CA10: variants seen among roughly 807,000 people sequenced by gnomAD.
CA10 encodes carbonic anhydrase-related protein 10.
Under a neutral mutation model 44.2 loss-of-function variants are expected in CA10, and 14 were observed. The ratio of observed to expected loss-of-function variants is 0.32; its 90% CI spans 0.21 to 0.50. CA10 has a LOEUF of 0.50. Among genes scored for constraint, CA10 ranks in the 20% least tolerant of loss-of-function variants. The pLI is 0.99. For synonymous variants in CA10, 159 were observed against 141.6 expected, an observed-to-expected ratio of 1.12 and a Z score of -0.87; for missense variants, 350 against 409.7, an observed-to-expected ratio of 0.85 and a Z score of 1.26.
intron 3 of CA10, among the ~76,000 whole-genome samples, chr17:51,882,757 CTG>C (rs1392743533): frequency 1.3e-5 from 2 of 152,294 alleles, no homozygotes; most frequent in African/African-American, 4.8e-5. Flanking sequence ...CGAGTCAAGA[CTG>C]GAATTTGTCA....
chr17:51,832,365 A>G (rs572509530), intron 3 of CA10, among the ~76,000 whole-genome samples: 2 of 152,296 alleles, frequency 1.3e-5, no homozygotes, highest in East Asian at 1.9e-4. Context: ...TAACCCGGTA[A>G]TTTTAGAATA....
intron 3 of CA10, among the ~76,000 whole-genome samples, chr17:51,870,124 C>G (rs913459708): frequency 6.6e-6 from 1 of 152,334 alleles, no homozygotes; most frequent in South Asian, 2.1e-4. Flanking sequence ...CTGTCTTAGC[C>G]TCTCCTTATA....
At chr17:51,690,042 G>T (rs1209788388) in intron 4 of CA10, among the ~76,000 whole-genome samples, 1 of 151,808 alleles carries the variant, frequency 6.6e-6, no homozygotes, top group Non-Finnish European at 1.5e-5. Flanking sequence ...CCACCTCCCA[G>T]GTTCAAGTGA....
chr17:51,962,132 G>T (rs1419808173), intron 2 of CA10, among the ~76,000 whole-genome samples: 1 of 152,226 alleles, frequency 6.6e-6, no homozygotes, highest in Non-Finnish European at 1.5e-5. Flanking sequence ...AGCCTGAACT[G>T]CCCCACCCTT....
At chr17:51,634,346 T>C (rs182877800) in intron 7 of CA10, among the ~76,000 whole-genome samples, 99 of 152,348 alleles carry the variant, frequency 6.5e-4, no homozygotes, top group East Asian at 1.9e-3. Context: ...TACTGTTGCC[T>C]GTCACCCAGT....
chr17:52,093,926 A>C (rs1349930437), intron 1 of CA10, among the ~76,000 whole-genome samples: 1 of 27,672 alleles, frequency 3.6e-5, no homozygotes, highest in Non-Finnish European at 7.5e-5. Flanking sequence ...TAAGTTGGAA[A>C]GCTGGGGCCT....
At chr17:51,711,915 G>C (rs1915954846) in intron 4 of CA10, among the ~76,000 whole-genome samples, 1 of 152,168 alleles carries the variant, frequency 6.6e-6, no homozygotes. Context: ...GCTGTGAGGT[G>C]TAATCAGACA....
rs1987414420 is a variant in CA10, at chr17:52,062,438, A to G, written c.136+9881T>C. Among the ~76,000 whole-genome samples the G allele has an allele frequency of 2.0e-5, 3 of 152,316 alleles. No individual in the cohort carries two copies. In the South Asian group the frequency reaches 6.2e-4, roughly 32 times the overall value. Reference sequence around the variant, plus strand: ...CCACTTGTTAAAGAGATTAAAATGGATAAAAGGGAGTCAGGTGCAAAGAGT... The same window carrying G: ...CCACTTGTTAAAGAGATTAAAATGGGTAAAAGGGAGTCAGGTGCAAAGAGT... On this transcript the variant is annotated intron_variant, in intron 2 of 8. Transcript: ENST00000451037.
intron 4 of CA10, among the ~76,000 whole-genome samples, chr17:51,684,363 C>CGTTTGTG (rs1349872117): frequency 1.3e-5 from 2 of 152,172 alleles, no homozygotes; most frequent in African/African-American, 4.8e-5. Flanking sequence ...TGAGCCACTA[C>CGTTTGTG]GTTTGTGGTA....
chr17:52,119,842 T>A (rs1046616135), intron 1 of CA10, among the ~76,000 whole-genome samples: 1 of 152,200 alleles, frequency 6.6e-6, no homozygotes, highest in African/African-American at 2.4e-5. Context: ...TCTAGACTCA[T>A]TAGCTGTTTT....
intron 3 of CA10, among the ~76,000 whole-genome samples, chr17:51,874,123 A>AAT (rs1979942539): frequency 6.6e-6 from 1 of 151,994 alleles, no homozygotes; most frequent in Non-Finnish European, 1.5e-5. Flanking sequence ...GTGTAGGGGA[A>AAT]ATGTATATAT....
intron 4 of CA10, among the ~76,000 whole-genome samples, chr17:51,713,599 G>C (rs1916009741): frequency 6.6e-6 from 1 of 152,298 alleles, no homozygotes; most frequent in Middle Eastern, 3.4e-3. Flanking sequence ...AGAGCAAAGG[G>C]TAGAGTGTGG....
At chr17:51,796,549 C>A (rs1046537927) in intron 3 of CA10, among the ~76,000 whole-genome samples, 6 of 152,118 alleles carry the variant, frequency 3.9e-5, no homozygotes, top group East Asian at 1.9e-4. Context: ...AGTCTTAGTA[C>A]TTTTTTAGGT....
chr17:51,988,386 C>T, intron 2 of CA10, among the ~76,000 whole-genome samples: 1 of 151,712 alleles, frequency 6.6e-6, no homozygotes, highest in Non-Finnish European at 1.5e-5. Context: ...AGGATGGTTT[C>T]CAGAATGCCC....
chr17:52,146,365 G>A (rs765571525), intron 1 of CA10, among the ~76,000 whole-genome samples: 1 of 152,108 alleles, frequency 6.6e-6, no homozygotes. Context: ...TTTTAGACCA[G>A]CCTGACCAAT....
chr17:52,117,353 TTTTG>T (rs1473208519), intron 1 of CA10, among the ~76,000 whole-genome samples: 2 of 152,318 alleles, frequency 1.3e-5, no homozygotes, highest in African/African-American at 4.8e-5. Flanking sequence ...CAAAATCTGT[TTTTG>T]TCTTCCAGCT....
chr17:51,673,168 C>G (rs1296755288), intron 4 of CA10, among the ~76,000 whole-genome samples: 1 of 152,130 alleles, frequency 6.6e-6, no homozygotes, highest in Non-Finnish European at 1.5e-5. Context: ...AAATGAACCC[C>G]CTAGCCCCAG....
intron 2 of CA10, among the ~76,000 whole-genome samples, chr17:52,045,580 T>C (rs192586610): frequency 6.6e-6 from 1 of 152,016 alleles, no homozygotes; most frequent in Non-Finnish European, 1.5e-5. Flanking sequence ...GGTTTCCATA[T>C]GCTAATAAGA....
At chr17:51,638,739 G>A (rs1436473754) in intron 6 of CA10, among the ~76,000 whole-genome samples, 1 of 152,198 alleles carries the variant, frequency 6.6e-6, no homozygotes, top group Non-Finnish European at 1.5e-5. Flanking sequence ...CCCAGAGAGA[G>A]GCTGTGAGTT....
Sources: gnomAD v4.1 joint callset for allele counts (sites outside exome capture counted in the v4.1 genomes callset) on GRCh38, gnomAD v4.1.1 for gene constraint, MANE v1.5 for transcripts, NCBI Gene and HGNC (gene_info 2026-07-23, HGNC 2026-07-21) for gene names.